The following ARHGEF40 variants were observed in gnomAD, a reference collection of about 807,000 sequenced individuals.
ARHGEF40 encodes the protein Rho guanine nucleotide exchange factor 40, also known as Rho guanine nucleotide exchange factor (GEF) 40.
A neutral mutation model predicts 165.9 loss-of-function variants in ARHGEF40; 98 were observed. The observed-to-expected ratio is 0.59, with a 90% CI of 0.50 to 0.70. The LOEUF is 0.70. ARHGEF40 is among the 30% of genes least tolerant of loss of function. ARHGEF40 has a pLI of 0.00. For synonymous variants in ARHGEF40, 792 were observed against 814.3 expected, an observed-to-expected ratio of 0.97 and a Z score of 0.47; for missense variants, 1,815 against 1,968.0, an observed-to-expected ratio of 0.92 and a Z score of 1.47.
rs78373354 is a variant in ARHGEF40 at position 21,087,079 on chromosome 14, C to A, written c.4217C>A (p.Thr1406Lys). ...FLDIKALGER[T>K]LSALLTGRAA... ...GACATCAAAGCCCTTGGGGAGCGGA[C>A]GCTGAGTGCCCTGCTCACTGGAAGA... The change falls in exon 20 of 24, where the codon ACG (threonine) becomes AAG (lysine). Residue 1406 changes from threonine (T) to lysine (K), a missense_variant. Physicochemically the swap from Thr to Lys is moderately conservative, Grantham distance 78. Coordinates refer to ENST00000298694, the MANE Select transcript of ARHGEF40 (RefSeq NM_018071.5). 182 of 1,608,084 alleles carry A rather than the reference C, an allele frequency of 1.1e-4. No individual in the cohort carries two copies. In the East Asian group the frequency reaches 4.1e-3, roughly 36 times the overall value.
In ARHGEF40 at chr14:21,075,635, G is replaced by T. The variant is rs1292025759; in HGVS notation, c.1619-10G>T. Reference sequence around the variant, plus strand: ...CCAGCCAGGACAGCCTGGCCATTTTGTGTCTTCAGGAGGGGTGGACCAGAG... The same window carrying T: ...CCAGCCAGGACAGCCTGGCCATTTTTTGTCTTCAGGAGGGGTGGACCAGAG... On this transcript the variant is annotated splice_polypyrimidine_tract_variant and intron_variant, in intron 4 of 23. Transcript: ENST00000298694. This position sits in a 1 kb window ranked among gnomAD's most constrained non-coding sequence, Gnocchi z 4.5. The T allele has an allele frequency of 1.2e-6, 2 of 1,613,934 alleles. No individual in the cohort carries two copies.
At chr14:21,087,252 G>T (rs1888417562) in intron 20 of ARHGEF40, 68 bp from the exon 21 acceptor site, 2 of 1,584,332 alleles carry the variant, frequency 1.3e-6, no homozygotes, top group Non-Finnish European at 1.7e-6. Flanking sequence ...GAGACTGAGG[G>T]TCATTCCAGG....
rs374773963 is a variant in ARHGEF40 at position 21,075,087 on chromosome 14, G to A, written c.1357G>A (p.Glu453Lys). The change falls in exon 3 of 24, where the codon GAG (glutamate) becomes AAG (lysine). Residue 453 changes from glutamate to lysine, a missense_variant. By Grantham distance (56) the Glu-to-Lys change is moderately conservative. Transcript: ENST00000298694. The surrounding 1 kb of genome is among the most constrained non-coding windows in gnomAD (Gnocchi z 4.5). ...GCCAAAAGAGCTCAAAACAGCAGGC[G>A]AGAAAGAGCCTCAGCTCTCTGAAGC... ...SEPKELKTAG[E>K]KEPQLSEACG... 3.5e-5 allele frequency: 56 copies of A among 1,613,972 alleles called. No homozygotes were observed. The highest frequency in any genetic ancestry group is 1.6e-4 in the South Asian group (15 of 91,082).
the ARHGEF40 span, among the ~76,000 whole-genome samples, chr14:21,062,371 C>T: frequency 1.3e-5 from 2 of 152,174 alleles, no homozygotes; most frequent in South Asian, 4.1e-4. Context: ...ATGCGACTGG[C>T]AGTGGAGCCC....
chr14:21,086,726 G>A, intron 19 of ARHGEF40: 2 of 416,142 alleles, frequency 4.8e-6, no homozygotes. Context: ...TGCCCAAGAT[G>A]CAGAGTAGAA....
At chr14:21,061,436 G>T in the ARHGEF40 span, among the ~76,000 whole-genome samples, 1 of 152,278 alleles carries the variant, frequency 6.6e-6, no homozygotes, top group Admixed American at 6.5e-5. Flanking sequence ...CGTGTAACTG[G>T]AATCTAGGGG....
chr14:21,076,739 G>C, intron 7 of ARHGEF40, 35 bp from the exon 8 acceptor site: 3 of 1,609,126 alleles, frequency 1.9e-6, no homozygotes, highest in Non-Finnish European at 2.6e-6. Context: ...GTCCTTGGGT[G>C]CCCAGGAAGA....
rs754552261 is a variant in ARHGEF40, at chr14:21,080,984, C to T, written c.2608C>T (p.Arg870Trp). 18 of 1,614,080 alleles carry T rather than the reference C, an allele frequency of 1.1e-5. No homozygotes were observed. The highest frequency in any genetic ancestry group is 2.2e-5 in the South Asian group (2 of 91,088). ...GGAGCAGGTTGAGAGTGGCCTCCAT[C>T]GGGCCCTGCGGCTACAGCGCTTCTT... ...RLEQVESGLHRALRLQRFFQQ... is the reference protein window; with the variant it reads ...RLEQVESGLHWALRLQRFFQQ... The change falls in exon 13 of 24, where the codon CGG (arginine) becomes TGG (tryptophan). Residue 870 changes from arginine (R) to tryptophan (W), a missense_variant. Arg to Trp is a moderately radical substitution (Grantham distance 101). Transcript: ENST00000298694.
upstream of ARHGEF40, among the ~76,000 whole-genome samples, chr14:21,066,064 A>G (rs995514216): frequency 2.6e-5 from 4 of 152,058 alleles, no homozygotes; most frequent in African/African-American, 9.7e-5. Context: ...GCAACACTGC[A>G]CTCCAGCCTG....
chr14:21,069,568 C>T (rs1438998524), upstream of ARHGEF40, among the ~76,000 whole-genome samples: 1 of 152,226 alleles, frequency 6.6e-6, no homozygotes, highest in Non-Finnish European at 1.5e-5. Context: ...GGAACCCTGC[C>T]CCCTTGGCCA....
chr14:21,090,236 A>G lies in ARHGEF40; in HGVS notation c.*1228A>G. On this transcript the variant is annotated 3_prime_UTR_variant, in exon 24 of 24. Coordinates refer to ENST00000298694, the MANE Select transcript of ARHGEF40 (RefSeq NM_018071.5). This position sits in a 1 kb window ranked among gnomAD's most constrained non-coding sequence, Gnocchi z 4.4. ...TGTACAAAAATAAACTCTCACGCCT[A>G]TGGACCAGCAAAGACTGGCAGAGTG... The G allele has an allele frequency of 1.6e-6, 1 of 635,400 alleles. No homozygotes were observed. Among genetic ancestry groups the G allele is most frequent in the Non-Finnish European group, 2.9e-6 (1 of 341,722 alleles). 39.4% of individuals were successfully genotyped at this position (635,400 alleles called of 1,614,324 possible).
In ARHGEF40 at chr14:21,073,257, A is replaced by G. The variant is rs1298320614; in HGVS notation, c.201+15A>G. 2 of 1,586,988 alleles carry G rather than the reference A, an allele frequency of 1.3e-6. No homozygotes were observed. Among genetic ancestry groups the G allele is most frequent in the East Asian group, 4.6e-5 (2 of 43,324 alleles). ...AGGAAGCCTGTGTGAGTGGCCGTGCATCACTATTCTGCCTTCCCCAAGATC... is the reference window on the plus strand; with the variant it reads ...AGGAAGCCTGTGTGAGTGGCCGTGCGTCACTATTCTGCCTTCCCCAAGATC... On this transcript the variant is annotated intron_variant, in intron 2 of 23. Transcript: ENST00000298694. The surrounding 1 kb of genome is among the most constrained non-coding windows in gnomAD (Gnocchi z 4.6).
chr14:21,079,106 C>G (rs1887669838), intron 11 of ARHGEF40, 96 bp downstream of exon 11: 1 of 1,477,342 alleles, frequency 6.8e-7, no homozygotes, highest in Non-Finnish European at 9.0e-7. Context: ...GTTCTTCTAG[C>G]CTGGCTTGGT....
rs774159426 is a variant in ARHGEF40 at position 21,083,913 on chromosome 14, C to T, written c.3652C>T (p.Leu1218=). 8 of 1,614,130 alleles carry T rather than the reference C, an allele frequency of 5.0e-6. No individual in the cohort carries two copies. The highest frequency in any genetic ancestry group is 2.2e-5 in the East Asian group (1 of 44,884). ...ACAGCTGACTCGGTATGGGCGGCTCCTGGAGGAGCTCCTGAGGGAAGCTGG... is the reference window on the plus strand; with the variant it reads ...ACAGCTGACTCGGTATGGGCGGCTCTTGGAGGAGCTCCTGAGGGAAGCTGG... The part of the protein sequence containing the change: ...LEQLTRYGRL[L]EELLREAGPE... The change falls in exon 17 of 24, where the codon CTG becomes TTG. Residue 1218 remains leucine (L), a synonymous_variant. Coordinates refer to ENST00000298694, the MANE Select transcript of ARHGEF40 (RefSeq NM_018071.5).
chr14:21,088,693 A>T (rs533623121), intron 22 of ARHGEF40, 137 bp from the exon 23 acceptor site: 5 of 922,378 alleles, frequency 5.4e-6, no homozygotes, highest in Admixed American at 3.0e-5. Flanking sequence ...CTAAAAAAAT[A>T]AAAGTAAATA....
In ARHGEF40 at chr14:21,072,947, G is replaced by A; in HGVS notation, c.4-98G>A. 1 of 1,242,672 alleles carries A rather than the reference G, an allele frequency of 8.0e-7. No homozygotes were observed. The highest frequency in any genetic ancestry group is 1.1e-6 in the Non-Finnish European group (1 of 881,302). The allele number at this position is 1,242,672 out of a possible 1,614,324, so 77.0% of individuals were successfully genotyped here. Reference sequence around the variant, plus strand: ...CTTTTTGCCCACATTGTACAATCGGGGCTTTGGAGAACACAGCCAACCCCA... The same window carrying A: ...CTTTTTGCCCACATTGTACAATCGGAGCTTTGGAGAACACAGCCAACCCCA... On this transcript the variant is annotated intron_variant, in intron 1 of 23. Coordinates refer to ENST00000298694, the MANE Select transcript of ARHGEF40 (RefSeq NM_018071.5). This position sits in a 1 kb window ranked among gnomAD's most constrained non-coding sequence, Gnocchi z 4.1.
chr14:21,087,238 C>T (rs1888416576), intron 20 of ARHGEF40, 82 bp from the exon 21 acceptor site: 1 of 1,581,894 alleles, frequency 6.3e-7, no homozygotes, highest in Non-Finnish European at 8.6e-7. Flanking sequence ...GGGAGGCCCT[C>T]TGTGAGACTG....
chr14:21,085,859 C>G lies in ARHGEF40; in HGVS notation c.4131C>G (p.His1377Gln). Reference sequence around the variant, plus strand: ...AGCTGCTGTGGAGACAGGCAGCCCACAACAAGGGTACTGGGCAGAGCTGAG... The same window carrying G: ...AGCTGCTGTGGAGACAGGCAGCCCAGAACAAGGGTACTGGGCAGAGCTGAG... ...IAQLLWRQAAHNKELRVQQMV... is the reference protein window; with the variant it reads ...IAQLLWRQAAQNKELRVQQMV... Residue 1377 changes from histidine to glutamine, a missense_variant, in exon 19 of 24, where the codon CAC (histidine) becomes CAG (glutamine). Transcript: ENST00000298694. The G allele has an allele frequency of 6.2e-7, 1 of 1,613,918 alleles. No homozygotes were observed. The highest frequency in any genetic ancestry group is 8.5e-7 in the Non-Finnish European group (1 of 1,180,026).
chr14:21,076,933 TA>T, intron 8 of ARHGEF40, 43 bp downstream of exon 8: 1 of 1,530,346 alleles, frequency 6.5e-7, no homozygotes, highest in Non-Finnish European at 9.0e-7. Flanking sequence ...GAGCCAGGAA[TA>T]ACCCAGCTGA....
Sources: gnomAD v4.1 joint callset for allele counts (sites outside exome capture counted in the v4.1 genomes callset) on GRCh38, gnomAD v4.1.1 for gene constraint, Gnocchi (gnomAD v3.1) non-coding constraint, MANE v1.5 for transcripts, NCBI Gene and HGNC (gene_info 2026-07-23, HGNC 2026-07-21) for gene names.